The following RALGAPB variants were observed in gnomAD, a reference collection of about 807,000 sequenced individuals.
The protein encoded by RALGAPB is Ral GTPase activating protein non-catalytic subunit beta.
RALGAPB carries 25 observed loss-of-function variants against 161.1 expected under a neutral mutation model. The ratio of observed to expected loss-of-function variants is 0.16; its 90% CI spans 0.11 to 0.22. The LOEUF (loss-of-function observed/expected upper bound fraction) is 0.22. Ranked by LOEUF, RALGAPB falls within the 10% of genes least tolerant of loss-of-function variation. RALGAPB has a pLI of 1.00. For missense variants in RALGAPB, 1,391 were observed against 1,815.2 expected, an observed-to-expected ratio of 0.77 and a Z score of 4.25; for synonymous variants, 629 against 626.1, an observed-to-expected ratio of 1.00 and a Z score of -0.07.
rs2086411073 is a variant in RALGAPB at position 38,524,891 on chromosome 20, T to C, written c.1733T>C (p.Ile578Thr). The C allele has an allele frequency of 6.2e-7, 1 of 1,611,408 alleles. No individual in the cohort carries two copies. Among genetic ancestry groups the C allele is most frequent in the Non-Finnish European group, 8.5e-7 (1 of 1,177,480 alleles). Residue 578 changes from isoleucine to threonine, a missense_variant, in exon 11 of 30, where the codon ATT (isoleucine) becomes ACT (threonine). Transcript: ENST00000262879. ...TTGTTCTGCTGTGACTTGAAAGGGA[T>C]TGATGTTGTGGTTCCTTACTTTATT... ...PPLFCCDLKG[I>T]DVVVPYFISA...
chr20:38,518,571 T>G (rs2086201080), intron 9 of RALGAPB, among the ~76,000 whole-genome samples: 1 of 152,224 alleles, frequency 6.6e-6, no homozygotes, highest in Non-Finnish European at 1.5e-5. Context: ...TTCATTTAGA[T>G]TTTATTATAA....
chr20:38,548,933 T>C (rs1601017832), intron 20 of RALGAPB, 138 bp downstream of exon 20: 1 of 676,742 alleles, frequency 1.5e-6, no homozygotes, highest in Non-Finnish European at 2.6e-6. Flanking sequence ...CATATCAGAA[T>C]CATCTAGGAA....
At chr20:38,573,376 C>G (rs943164567) in intron 28 of RALGAPB, among the ~76,000 whole-genome samples, 1 of 151,290 alleles carries the variant, frequency 6.6e-6, no homozygotes, top group Non-Finnish European at 1.5e-5. Flanking sequence ...ATCACCTTAC[C>G]TATATAGAAA....
chr20:38,477,887 C>G (rs549576606), intron 1 of RALGAPB, among the ~76,000 whole-genome samples: 1 of 152,012 alleles, frequency 6.6e-6, no homozygotes, highest in African/African-American at 2.4e-5. Flanking sequence ...TTTGGGAGGC[C>G]GAGGTGGGAG....
intron 25 of RALGAPB, 148 bp downstream of exon 25, chr20:38,565,626 GTCTTC>G (rs1188952100): frequency 1.0e-6 from 1 of 990,866 alleles, no homozygotes; most frequent in African/African-American, 1.6e-5. Context: ...AGCACAAGAT[GTCTTC>G]TCTTAACTTT....
Position 38,574,954 on chromosome 20 carries a change from A to G in RALGAPB, c.4472A>G (p.Asn1491Ser). The change falls in exon 30 of 30, where the codon AAC becomes AGC. Residue 1491 changes from asparagine (N) to serine (S), a missense_variant. By Grantham distance (46) the Asn-to-Ser change is conservative (BLOSUM62 1). Coordinates refer to ENST00000262879, the MANE Select transcript of RALGAPB (RefSeq NM_020336.4). ...CTTTTCCAGGAGGTTGGACTCAAGA[A>G]CTGCAGTTCTTAGACCACTGAATTT... ...TSLFQEVGLK[N>S]CSS is the part of the protein sequence containing the mutation. The G allele has an allele frequency of 1.2e-6, 2 of 1,611,462 alleles. No homozygotes were observed. Among genetic ancestry groups the G allele is most frequent in the East Asian group, 4.5e-5 (2 of 44,862 alleles).
At position 38,532,748 on chromosome 20, in the gene RALGAPB, C is replaced by T. The variant is rs6064667; in HGVS notation, c.2134C>T (p.Leu712=). 6.2e-7 allele frequency: 1 copy of T among 1,613,874 alleles called. No individual in the cohort carries two copies. Among genetic ancestry groups the T allele is most frequent in the South Asian group, 1.1e-5 (1 of 91,068 alleles). ...QMEMGGGENN[L]KSHSRTNSGI... is the part of the protein sequence containing the mutation. The stretch of plus-strand genomic sequence containing the variant: ...TGACTAGGGTGGTGGAGAAAATAAC[C>T]TGAAGAGTCATAGTCGCACCAATAG... Residue 712 remains leucine, a synonymous_variant, in exon 15 of 30, where the codon CTG becomes TTG. Transcript: ENST00000262879.
At chr20:38,554,170 A>T (rs950264527) in intron 22 of RALGAPB, 94 bp downstream of exon 22, 15 of 437,854 alleles carry the variant, frequency 3.4e-5, no homozygotes, top group South Asian at 1.2e-4. Context: ...GAAGCGAATT[A>T]AAAAAAAAAA....
At chr20:38,506,087 A>G (rs1233483220) in intron 5 of RALGAPB, among the ~76,000 whole-genome samples, 1 of 152,212 alleles carries the variant, frequency 6.6e-6, no homozygotes, top group Non-Finnish European at 1.5e-5. Context: ...ATCTGTGCAA[A>G]TGAAGGGATG....
At chr20:38,517,754 T>C in intron 8 of RALGAPB, 30 bp from the exon 9 acceptor site, 2 of 1,605,458 alleles carry the variant, frequency 1.2e-6, no homozygotes, top group Non-Finnish European at 1.7e-6. Flanking sequence ...TTTTCATTGG[T>C]ATGGGTGTAT....
At chr20:38,525,627 A>C in intron 12 of RALGAPB, 109 bp downstream of exon 12, 1 of 931,638 alleles carries the variant, frequency 1.1e-6, no homozygotes, top group South Asian at 1.6e-5. Context: ...TTTTCAATTC[A>C]AGTTATTTCA....
At chr20:38,529,339 G>A (rs1168637789) in intron 13 of RALGAPB, among the ~76,000 whole-genome samples, 1 of 151,774 alleles carries the variant, frequency 6.6e-6, no homozygotes, top group Non-Finnish European at 1.5e-5. Context: ...CCAGCATGGT[G>A]AAACCCTGTA....
chr20:38,562,752 T>C, intron 24 of RALGAPB, 55 bp downstream of exon 24: 2 of 1,523,478 alleles, frequency 1.3e-6, no homozygotes, highest in Non-Finnish European at 1.8e-6. Context: ...AGTCTTGTTT[T>C]TTTTTTTCCC....
intron 1 of RALGAPB, among the ~76,000 whole-genome samples, chr20:38,485,926 G>T (rs908721017): frequency 2.1e-5 from 3 of 141,288 alleles, no homozygotes; most frequent in Admixed American, 6.9e-5. Flanking sequence ...CATATATTTT[G>T]ATGTTTTAGT....
rs1301161718 is a variant in RALGAPB at position 38,525,876 on chromosome 20, T to G, written c.1903-19T>G. On this transcript the variant is annotated intron_variant, in intron 12 of 29. Transcript: ENST00000262879. ...AAGCTGCAACAGCTGATGTTAAATA[T>G]TATTTGTTTTTTCCATAGGTGGTCC... 6.2e-7 allele frequency: 1 copy of G among 1,609,058 alleles called. No individual in the cohort carries two copies. The highest frequency in any genetic ancestry group is 1.3e-5 in the African/African-American group (1 of 74,598).
At chr20:38,518,043 CCTTTTT>C (rs769096833) in intron 9 of RALGAPB, 43 bp downstream of exon 9, 5 of 1,548,156 alleles carry the variant, frequency 3.2e-6, no homozygotes, top group Non-Finnish European at 4.5e-6. Flanking sequence ...TTTTCCTTTT[CCTTTTT>C]CTTTTTCTTT....
chr20:38,555,659 T>G (rs577145288), intron 22 of RALGAPB, among the ~76,000 whole-genome samples: 1 of 152,312 alleles, frequency 6.6e-6, no homozygotes, highest in African/African-American at 2.4e-5. Flanking sequence ...TAGCCTTGTT[T>G]CTGAGATTAT....
At chr20:38,524,645 C>A in intron 10 of RALGAPB, 133 bp from the exon 11 acceptor site, 1 of 680,998 alleles carries the variant, frequency 1.5e-6, no homozygotes, top group Admixed American at 3.0e-5. Flanking sequence ...CCAGTAATTC[C>A]AATAATGTCC....
chr20:38,521,882 C>T (rs958145118), intron 10 of RALGAPB, among the ~76,000 whole-genome samples, 184 bp downstream of exon 10: 3 of 152,130 alleles, frequency 2.0e-5, no homozygotes, highest in African/African-American at 7.2e-5. Context: ...ACCCTTAAGA[C>T]CCTTTTTGTT....
Sources: gnomAD v4.1 joint callset for allele counts (sites outside exome capture counted in the v4.1 genomes callset) on GRCh38, gnomAD v4.1.1 for gene constraint, MANE v1.5 for transcripts, NCBI Gene and HGNC (gene_info 2026-07-23, HGNC 2026-07-21) for gene names.